CYP4X1: variants seen among roughly 807,000 people sequenced by gnomAD.
The protein encoded by CYP4X1 is cytochrome P450 family 4 subfamily X member 1.
CYP4X1 carries 44 observed loss-of-function variants against 57.9 expected under a neutral mutation model. The ratio of observed to expected loss-of-function variants is 0.76; its 90% CI spans 0.60 to 0.98. The LOEUF (loss-of-function observed/expected upper bound fraction) is 0.98, where lower values mean the gene tolerates loss of function less well. Ranked by LOEUF, CYP4X1 falls within the 50% of genes least tolerant of loss-of-function variation. The pLI is 0.00. For missense variants in CYP4X1, 532 were observed against 623.9 expected (o/e 0.85, Z 1.57); for synonymous variants, 227 against 228.6 (o/e 0.99, Z 0.06).
chr1:47,048,439 C>A, intron 9 of CYP4X1, 126 bp from the exon 10 acceptor site: 1 of 1,006,072 alleles, frequency 9.9e-7, no homozygotes, highest in Non-Finnish European at 1.6e-6. Flanking sequence ...GTGTCATCAG[C>A]TACAGCAGGC....
At chr1:47,039,728 A>C (rs1012175287) in intron 8 of CYP4X1, 196 bp downstream of exon 8, 2 of 404,906 alleles carry the variant, frequency 4.9e-6, no homozygotes, top group Non-Finnish European at 8.6e-6. Flanking sequence ...AAAAAAGTTT[A>C]TTTATCCATA....
chr1:46,963,260 G>T, the CYP4X1 span, among the ~76,000 whole-genome samples: 3 of 152,058 alleles, frequency 2.0e-5, no homozygotes, highest in Non-Finnish European at 4.4e-5. Context: ...TACATTTAAG[G>T]TTAATATTGT....
At chr1:47,008,486 C>A in the CYP4X1 span, among the ~76,000 whole-genome samples, 1 of 152,128 alleles carries the variant, frequency 6.6e-6, no homozygotes. Context: ...ATTGTAAAGA[C>A]CATCAAGGGC....
At chr1:47,040,355 GT>G (rs1368423641) in intron 8 of CYP4X1, among the ~76,000 whole-genome samples, 6 of 152,122 alleles carry the variant, frequency 3.9e-5, no homozygotes, top group Admixed American at 1.3e-4. Context: ...TAAAGCCCAG[GT>G]TATGCTGTTT....
Position 47,036,081 on chromosome 1 carries a change from A to T in CYP4X1, c.685A>T (p.Ser229Cys), listed in dbSNP as rs2148509790. Residue 229 changes from serine to cysteine, a missense_variant, in exon 6 of 12, where the codon AGT (serine) becomes TGT (cysteine). By Grantham distance (112) the Ser-to-Cys change is moderately radical. Transcript: ENST00000371901. ...LSKIIFHRLY[S>C]LLYHSDIIFK... ...CAAAATCATATTTCACCGCTTGTAC[A>T]GTTTGTTGTATCACAGTGACATAAT... is the stretch of plus-strand genomic sequence containing the variant. The T allele has an allele frequency of 6.2e-7, 1 of 1,613,818 alleles. No homozygotes were observed. Among genetic ancestry groups the T allele is most frequent in the Middle Eastern group, 1.7e-4 (1 of 6,058 alleles).
Position 47,023,669 on chromosome 1 carries a change from A to T in CYP4X1, c.-149A>T. On this transcript the variant is annotated 5_prime_UTR_variant, in exon 1 of 12. Transcript: ENST00000371901. ...TCCCCAGGCCTGAGCTGCCCCTCCC[A>T]CTGCCTTTCCTTCTTCCCGCGAGTC... The T allele has an allele frequency of 7.0e-7, 1 of 1,421,108 alleles. No individual in the cohort carries two copies. Among genetic ancestry groups the T allele is most frequent in the Non-Finnish European group, 9.2e-7 (1 of 1,090,800 alleles). The allele number at this position is 1,421,108 out of a possible 1,614,324, so 88.0% of individuals were successfully genotyped here. A position where few individuals can be genotyped will look rare whatever the true frequency, so the allele number is the denominator to read the frequency against.
At chr1:46,965,754 G>T in the CYP4X1 span, among the ~76,000 whole-genome samples, 1 of 152,172 alleles carries the variant, frequency 6.6e-6, no homozygotes, top group African/African-American at 2.4e-5. Flanking sequence ...TTGCAGCAGG[G>T]GTCCTTCCTC....
chr1:46,971,676 T>C, the CYP4X1 span, among the ~76,000 whole-genome samples: 2 of 152,248 alleles, frequency 1.3e-5, no homozygotes, highest in Admixed American at 6.5e-5. Context: ...TAATAGTTAG[T>C]GATATTGAGT....
the CYP4X1 span, among the ~76,000 whole-genome samples, chr1:46,984,072 G>A: frequency 6.6e-6 from 1 of 151,410 alleles, no homozygotes; most frequent in Non-Finnish European, 1.5e-5. Flanking sequence ...CAGCTCTGCC[G>A]AGCAGCTCTG....
the CYP4X1 span, among the ~76,000 whole-genome samples, chr1:46,991,525 G>T: frequency 6.6e-6 from 1 of 152,166 alleles, no homozygotes; most frequent in African/African-American, 2.4e-5. Flanking sequence ...TGCAGTTAAA[G>T]CACCCTTGTT....
At chr1:47,017,235 G>A in the CYP4X1 span, among the ~76,000 whole-genome samples, 8 of 152,226 alleles carry the variant, frequency 5.3e-5, no homozygotes, top group Admixed American at 2.0e-4. Context: ...GGGATTGCTG[G>A]ATCATATGGT....
chr1:47,033,126 C>T (rs1158673376), intron 3 of CYP4X1, 115 bp from the exon 4 acceptor site: 2 of 1,129,780 alleles, frequency 1.8e-6, no homozygotes, highest in Non-Finnish European at 2.5e-6. Context: ...TTTGATACTC[C>T]ACTGTTGCAT....
intron 8 of CYP4X1, among the ~76,000 whole-genome samples, chr1:47,043,502 G>T (rs531017330): frequency 6.6e-6 from 1 of 151,724 alleles, no homozygotes; most frequent in Non-Finnish European, 1.5e-5. Flanking sequence ...TGTTTTTTGG[G>T]GTTGTTTTGT....
the CYP4X1 span, among the ~76,000 whole-genome samples, chr1:47,014,196 T>C: frequency 2.0e-4 from 30 of 152,364 alleles, no homozygotes; most frequent in Non-Finnish European, 3.7e-4. Context: ...TGTCTATGAC[T>C]GGAAATATTT....
the CYP4X1 span, among the ~76,000 whole-genome samples, chr1:47,012,957 T>C: frequency 6.6e-6 from 1 of 152,112 alleles, no homozygotes; most frequent in Admixed American, 6.5e-5. Context: ...ATTTAAACAT[T>C]TTTTTTCCTA....
At chr1:47,000,528 A>G in the CYP4X1 span, among the ~76,000 whole-genome samples, 3 of 152,166 alleles carry the variant, frequency 2.0e-5, no homozygotes, top group African/African-American at 7.2e-5. Flanking sequence ...CTCCAGAACT[A>G]TAAGAGAATA....
intron 8 of CYP4X1, among the ~76,000 whole-genome samples, chr1:47,043,210 G>A (rs1320212245): frequency 1.3e-5 from 2 of 152,268 alleles, no homozygotes; most frequent in East Asian, 1.9e-4. Context: ...GATCATTAGT[G>A]ATGTTGAGCA....
chr1:47,018,273 T>C, the CYP4X1 span, among the ~76,000 whole-genome samples: 1 of 152,178 alleles, frequency 6.6e-6, no homozygotes, highest in African/African-American at 2.4e-5. Context: ...TTTTCAGAGC[T>C]TATGGACCTT....
chr1:47,022,207 T>TGTG (rs1204563101), upstream of CYP4X1, among the ~76,000 whole-genome samples: 1 of 151,396 alleles, frequency 6.6e-6, no homozygotes, highest in African/African-American at 2.4e-5. Flanking sequence ...AAACACTTGC[T>TGTG]GTGTGTGGCT....
Sources: gnomAD v4.1 joint callset for allele counts (sites outside exome capture counted in the v4.1 genomes callset) on GRCh38, gnomAD v4.1.1 for gene constraint, MANE v1.5 for transcripts, NCBI Gene and HGNC (gene_info 2026-07-23, HGNC 2026-07-21) for gene names.